The following RCOR1 variants were observed in gnomAD, a reference collection of about 807,000 sequenced individuals.
RCOR1 encodes the protein REST corepressor 1.
In RCOR1, 12 loss-of-function variants were observed where a neutral mutation model predicts 64.0. The ratio of observed to expected loss-of-function variants is 0.19; its 90% CI spans 0.12 to 0.30. The LOEUF (loss-of-function observed/expected upper bound fraction) is 0.30, where lower values mean the gene tolerates loss of function less well. RCOR1 is among the 10% of genes least tolerant of loss of function. RCOR1 has a pLI of 1.00. For synonymous variants in RCOR1, 279 were observed against 227.2 expected (o/e 1.23, Z -2.05); for missense variants, 502 against 621.2 (o/e 0.81, Z 2.04).
chr14:102,662,714 G>T, intron 2 of RCOR1: 1 of 429,152 alleles, frequency 2.3e-6, no homozygotes, highest in Non-Finnish European at 4.4e-6. Context: ...GCCATCTTGT[G>T]AAAAGGGCTC....
At chr14:102,715,474 G>C (rs969302695) in intron 8 of RCOR1, among the ~76,000 whole-genome samples, 1 of 149,176 alleles carries the variant, frequency 6.7e-6, no homozygotes, top group African/African-American at 2.5e-5. Context: ...CTTTGCTTCC[G>C]GGGCTCAAAT....
At position 102,615,656 on chromosome 14, in the gene RCOR1, C is replaced by A. The variant is rs545242937; in HGVS notation, c.361+22331C>A. Among the ~76,000 whole-genome samples the A allele has an allele frequency of 5.3e-5, 8 of 152,192 alleles. No homozygotes were observed. The East Asian group carries it at 1.5e-3, about 29-fold the overall frequency. On this transcript the variant is annotated intron_variant, in intron 2 of 11. Transcript: ENST00000262241. ...AGAGACAGGGTTTCTCCATGTTGGT[C>A]AGGCTGGTCTCCAACTCCCGACCTC...
intron 2 of RCOR1, among the ~76,000 whole-genome samples, chr14:102,619,947 C>G (rs1893839741): frequency 6.6e-6 from 1 of 152,176 alleles, no homozygotes; most frequent in Non-Finnish European, 1.5e-5. Context: ...CTGCGTATAT[C>G]TTTTTGTATA....
At chr14:102,653,908 C>G (rs1368403748) in intron 2 of RCOR1, among the ~76,000 whole-genome samples, 1 of 147,256 alleles carries the variant, frequency 6.8e-6, no homozygotes, top group African/African-American at 2.5e-5. Flanking sequence ...CTAGTCTCAT[C>G]TCAGGTATTT....
chr14:102,617,487 G>T (rs1893785100), intron 2 of RCOR1, among the ~76,000 whole-genome samples: 2 of 152,108 alleles, frequency 1.3e-5, no homozygotes, highest in Non-Finnish European at 2.9e-5. Flanking sequence ...CATGGGGTGG[G>T]AGGATCACTT....
chr14:102,597,854 T>C (rs1893295224), intron 2 of RCOR1, among the ~76,000 whole-genome samples: 1 of 151,128 alleles, frequency 6.6e-6, no homozygotes. Context: ...TTTTCTCTTG[T>C]TGCTCAGGCT....
chr14:102,664,514 T>G (rs1400630234), intron 2 of RCOR1, among the ~76,000 whole-genome samples: 8 of 152,334 alleles, frequency 5.3e-5, no homozygotes, highest in African/African-American at 1.9e-4. Flanking sequence ...GAATAGAGTT[T>G]ATGCCCTTAA....
chr14:102,661,982 A>G (rs772330795), intron 2 of RCOR1, among the ~76,000 whole-genome samples: 4 of 152,056 alleles, frequency 2.6e-5, no homozygotes, highest in Non-Finnish European at 4.4e-5. Context: ...GCTGGTCTCA[A>G]ATTCCTGACC....
intron 2 of RCOR1, among the ~76,000 whole-genome samples, chr14:102,596,074 G>T (rs567525242): frequency 2.0e-5 from 3 of 151,964 alleles, no homozygotes; most frequent in Admixed American, 6.6e-5. Flanking sequence ...GGGAAGGAAG[G>T]CTTCCATTTT....
At chr14:102,670,584 C>A (rs1344811716) in intron 2 of RCOR1, among the ~76,000 whole-genome samples, 1 of 151,818 alleles carries the variant, frequency 6.6e-6, no homozygotes, top group Non-Finnish European at 1.5e-5. Context: ...AAGAAGGTAG[C>A]ATTTAATTCA....
At chr14:102,599,340 C>T (rs1893336971) in intron 2 of RCOR1, among the ~76,000 whole-genome samples, 1 of 152,104 alleles carries the variant, frequency 6.6e-6, no homozygotes, top group Admixed American at 6.6e-5. Flanking sequence ...CCACGTAGTC[C>T]AGGCTGGTCT....
rs1894202656 is a variant in RCOR1, at chr14:102,634,828, C to A, written c.361+41503C>A. ...TCTCCTGCCTCAGCCTCCTGAGTAG[C>A]TGGAATTACAGGCACGTGCCACCAT... is the stretch of plus-strand genomic sequence containing the variant. On this transcript the variant is annotated intron_variant, in intron 2 of 11. Coordinates refer to ENST00000262241, the MANE Select transcript of RCOR1 (RefSeq NM_015156.4). Among the ~76,000 whole-genome samples, 3 of 151,428 alleles carry A rather than the reference C, an allele frequency of 2.0e-5. No individual in the cohort carries two copies. In the South Asian group the frequency reaches 6.3e-4, roughly 32 times the overall value.
At chr14:102,707,599 A>G (rs1895881218) in intron 5 of RCOR1, 87 bp downstream of exon 5, 4 of 1,091,444 alleles carry the variant, frequency 3.7e-6, no homozygotes, top group African/African-American at 1.6e-5. Flanking sequence ...TATCATACTC[A>G]AACATAAATA....
intron 3 of RCOR1, among the ~76,000 whole-genome samples, chr14:102,694,447 T>C (rs1333318628): frequency 6.6e-6 from 1 of 152,126 alleles, no homozygotes; most frequent in Admixed American, 6.5e-5. Context: ...GTTTTTGTTT[T>C]TGTATTTTTA....
At chr14:102,713,200 C>A (rs1895997143) in intron 7 of RCOR1, among the ~76,000 whole-genome samples, 1 of 151,228 alleles carries the variant, frequency 6.6e-6, no homozygotes, top group South Asian at 2.1e-4. Context: ...GTGATCCACC[C>A]ACCTCGGCCT....
chr14:102,649,819 A>AT, intron 2 of RCOR1: 2 of 976,816 alleles, frequency 2.0e-6, no homozygotes, highest in Non-Finnish European at 2.4e-6. Context: ...CGAAATTGGC[A>AT]TTAGGAATGA....
intron 2 of RCOR1, among the ~76,000 whole-genome samples, chr14:102,636,253 T>TA (rs956596435): frequency 3.3e-5 from 5 of 151,928 alleles, no homozygotes; most frequent in East Asian, 3.9e-4. Context: ...AAACTGTTTC[T>TA]AAAAAAAATT....
rs1895315698 is a variant in RCOR1 at position 102,682,049 on chromosome 14, A to G, written c.445+71A>G. ...AGGTTTTAAAGGTACCTTTGAAGGT[A>G]AAAGCTTCTATATGTATTAAATTTC... On this transcript the variant is annotated intron_variant, in intron 3 of 11. Transcript: ENST00000262241. The G allele has an allele frequency of 3.2e-6, 3 of 929,076 alleles. No individual in the cohort carries two copies. In the South Asian group the frequency reaches 4.4e-5, roughly 14 times the overall value. The allele number at this position is 929,076 out of a possible 1,614,324, so 57.6% of individuals were successfully genotyped here.
chr14:102,650,383 T>G (rs2139928938), intron 2 of RCOR1, among the ~76,000 whole-genome samples: 1 of 3,130 alleles, frequency 3.2e-4, no homozygotes, highest in African/African-American at 2.2e-3. Context: ...AATAAATGGA[T>G]GGATGGGTGG....
Sources: gnomAD v4.1 joint callset for allele counts (sites outside exome capture counted in the v4.1 genomes callset) on GRCh38, gnomAD v4.1.1 for gene constraint, MANE v1.5 for transcripts, NCBI Gene and HGNC (gene_info 2026-07-23, HGNC 2026-07-21) for gene names.